Variants in FCHO2 observed in about 807,000 individuals in gnomAD.
FCHO2 encodes the protein F-BAR domain only protein 2.
FCHO2 carries 43 observed loss-of-function variants against 114.1 expected under a neutral mutation model. The ratio of observed to expected loss-of-function variants is 0.38; its 90% CI spans 0.30 to 0.49. The LOEUF is 0.49. Ranked by LOEUF, FCHO2 falls within the 20% of genes least tolerant of loss-of-function variation. The probability of loss-of-function intolerance (pLI) is 0.97; values close to 1 mark genes in which losing one functional copy is unlikely to be tolerated. For missense variants in FCHO2, 807 were observed against 950.4 expected (o/e 0.85, Z 1.98); for synonymous variants, 293 against 315.2 (o/e 0.93, Z 0.75).
intron 2 of FCHO2, among the ~76,000 whole-genome samples, chr5:72,983,547 CTTTTTTT>C (rs35592345): frequency 8.9e-5 from 10 of 112,906 alleles, no homozygotes; most frequent in East Asian, 2.5e-4. Context: ...AGTGACAATA[CTTTTTTT>C]TTTTTTTTTT....
Position 73,056,101 on chromosome 5 carries a change from C to A in FCHO2, c.1247C>A (p.Pro416His). 1 of 1,527,542 alleles carries A rather than the reference C, an allele frequency of 6.5e-7. No individual in the cohort carries two copies. Among genetic ancestry groups the A allele is most frequent in the Admixed American group, 2.2e-5 (1 of 44,922 alleles). 94.6% of individuals were successfully genotyped at this position (1,527,542 alleles called of 1,614,324 possible). The change falls in exon 16 of 26, where the codon CCC (proline) becomes CAC (histidine). Residue 416 changes from proline to histidine, a missense_variant. Coordinates refer to ENST00000430046, the MANE Select transcript of FCHO2 (RefSeq NM_138782.3). ...ACAAAATCAAAGCCATCTGCTCCAC[C>A]CAATGAGTAAGTTTCCATGTTTAAT... ...ELTKSKPSAP[P>H]NEKGTSDLLA...
intron 12 of FCHO2, 69 bp downstream of exon 12, chr5:73,051,475 A>T: frequency 1.0e-6 from 1 of 979,614 alleles, no homozygotes; most frequent in Non-Finnish European, 1.5e-6. Context: ...TAAGAAAATC[A>T]TGTATTAAAG....
chr5:73,056,273 A>G lies in FCHO2; in HGVS notation c.1253+166A>G, dbSNP rs183600096. Among the ~76,000 whole-genome samples, 83 of 152,282 alleles carry G rather than the reference A, an allele frequency of 5.5e-4. 1 individual carries two copies. Among genetic ancestry groups the G allele is most frequent in the African/African-American group, 1.9e-3 (79 of 41,562 alleles). On this transcript the variant is annotated intron_variant, in intron 16 of 25. Transcript: ENST00000430046. ...TCAAATTCTCTCACCAGAGTGGTAC[A>G]TTTGTTAGAATCAGTGAACCTGCAT...
At position 72,994,634 on chromosome 5, in the gene FCHO2, A is replaced by G. The variant is rs151195839; in HGVS notation, c.495+3770A>G. ...CACCCCAGCAGTCCCATTACTGGATATATCCCCAAAGGAATATAAATCGTT... is the reference window on the plus strand; with the variant it reads ...CACCCCAGCAGTCCCATTACTGGATGTATCCCCAAAGGAATATAAATCGTT... On this transcript the variant is annotated intron_variant, in intron 5 of 25. Coordinates refer to ENST00000430046, the MANE Select transcript of FCHO2 (RefSeq NM_138782.3). Among the ~76,000 whole-genome samples, 104 of 152,342 alleles carry G rather than the reference A, an allele frequency of 6.8e-4. 1 individual carries two copies. The East Asian group carries it at 0.018, about 27-fold the overall frequency.
intron 5 of FCHO2, among the ~76,000 whole-genome samples, 159 bp from the exon 6 acceptor site, chr5:73,006,284 TAA>T (rs1251867321): frequency 2.0e-5 from 3 of 151,884 alleles, no homozygotes; most frequent in Non-Finnish European, 2.9e-5. Context: ...ACAACAACAA[TAA>T]AAAAAGACTA....
At chr5:73,029,118 T>A (rs150829141) in intron 8 of FCHO2, among the ~76,000 whole-genome samples, 100 of 152,356 alleles carry the variant, frequency 6.6e-4, no homozygotes, top group Non-Finnish European at 2.9e-4. Flanking sequence ...CAAAATTCAT[T>A]AAACTGTACA....
chr5:72,984,684 G>A (rs945525531), intron 2 of FCHO2, among the ~76,000 whole-genome samples: 3 of 152,000 alleles, frequency 2.0e-5, no homozygotes, highest in Non-Finnish European at 4.4e-5. Context: ...TTATTTTTGA[G>A]ACAGGGTCTC....
intron 8 of FCHO2, among the ~76,000 whole-genome samples, chr5:73,018,734 A>G (rs1755450453): frequency 6.6e-6 from 1 of 152,196 alleles, no homozygotes; most frequent in Non-Finnish European, 1.5e-5. Context: ...TTGATCACAA[A>G]GTCTGACTGA....
Position 73,081,806 on chromosome 5 carries a change from C to T in FCHO2, c.2004C>T (p.Ser668=), listed in dbSNP as rs1269175667. The change falls in exon 23 of 26, where the codon TCC becomes TCT. Residue 668 remains serine, a synonymous_variant. Transcript: ENST00000430046. ...AGGTATCATCAAATGGTATTCAGTC[C>T]ACTCCTCTGAATCTTGCAACATACT... is the stretch of plus-strand genomic sequence containing the variant. ...KYQVSSNGIQ[S]TPLNLATYWK... 6.4e-7 allele frequency: 1 copy of T among 1,571,714 alleles called. No individual in the cohort carries two copies. Among genetic ancestry groups the T allele is most frequent in the Non-Finnish European group, 8.6e-7 (1 of 1,157,278 alleles).
At chr5:73,029,962 C>G (rs1188456133) in intron 8 of FCHO2, among the ~76,000 whole-genome samples, 1 of 152,016 alleles carries the variant, frequency 6.6e-6, no homozygotes, top group African/African-American at 2.4e-5. Context: ...CAGGTACATA[C>G]AAGAATTATT....
At chr5:73,068,102 AT>A (rs1253699077) in intron 18 of FCHO2, among the ~76,000 whole-genome samples, 3 of 152,094 alleles carry the variant, frequency 2.0e-5, no homozygotes, top group Admixed American at 2.0e-4. Flanking sequence ...AAGGAGGAAA[AT>A]ATTTGCAAGA....
At chr5:73,046,155 C>T (rs137874976) in intron 11 of FCHO2, among the ~76,000 whole-genome samples, 7 of 152,176 alleles carry the variant, frequency 4.6e-5, no homozygotes, top group African/African-American at 1.7e-4. Context: ...GCCTTGAACT[C>T]CTTGGCTCAA....
intron 22 of FCHO2, among the ~76,000 whole-genome samples, chr5:73,081,476 T>A (rs144439980): frequency 1.2e-3 from 190 of 152,346 alleles, no homozygotes; most frequent in African/African-American, 4.5e-3. Flanking sequence ...AATTAAGAAT[T>A]CCTTCATAAA....
chr5:73,030,302 A>G (rs1222676530), intron 8 of FCHO2, among the ~76,000 whole-genome samples: 1 of 152,106 alleles, frequency 6.6e-6, no homozygotes, highest in Non-Finnish European at 1.5e-5. Context: ...TCGGCCTTTC[A>G]CAGTGCTGGG....
intron 17 of FCHO2, among the ~76,000 whole-genome samples, chr5:73,059,810 C>T (rs551175144): frequency 6.6e-6 from 1 of 151,704 alleles, no homozygotes; most frequent in East Asian, 1.9e-4. Flanking sequence ...TAAAATTAAC[C>T]ATATATATAT....
In FCHO2 at chr5:73,051,151, G is replaced by T. The variant is rs1435860526; in HGVS notation, c.940-198G>T. On this transcript the variant is annotated intron_variant, in intron 11 of 25. Transcript: ENST00000430046. ...ATTTTGCAGGTCTTTCCTCTTTCAG[G>T]TAGCCAGAGCATGGAGTGTGATTTG... 6 of 421,990 alleles carry T rather than the reference G, an allele frequency of 1.4e-5. 1 individual carries two copies. In the East Asian group the frequency reaches 2.4e-4, roughly 17 times the overall value. The allele number at this position is 421,990 out of a possible 1,614,324, so 26.1% of individuals were successfully genotyped here. A position where few individuals can be genotyped will look rare whatever the true frequency, so the allele number is the denominator to read the frequency against.
intron 6 of FCHO2, among the ~76,000 whole-genome samples, chr5:73,012,989 A>G (rs1315324711): frequency 6.6e-6 from 1 of 152,382 alleles, no homozygotes; most frequent in African/African-American, 2.4e-5. Context: ...ATTAAGGGTC[A>G]TTCAAATGAA....
chr5:73,026,642 T>C (rs543920187), intron 8 of FCHO2, among the ~76,000 whole-genome samples: 1 of 152,274 alleles, frequency 6.6e-6, no homozygotes, highest in African/African-American at 2.4e-5. Context: ...GTTATGATAA[T>C]GTTATATTAC....
chr5:73,048,634 G>C (rs1757183540), intron 11 of FCHO2, among the ~76,000 whole-genome samples: 1 of 152,052 alleles, frequency 6.6e-6, no homozygotes, highest in African/African-American at 2.4e-5. Flanking sequence ...AATCTTCGAT[G>C]AATAACCTTG....
Sources: allele counts gnomAD v4.1 joint callset (sites outside exome capture counted in the v4.1 genomes callset), GRCh38; gene constraint gnomAD v4.1.1; transcripts MANE v1.5; gene names NCBI Gene and HGNC (gene_info 2026-07-23, HGNC 2026-07-21).